USP53: variants seen among roughly 807,000 people sequenced by gnomAD.
USP53 encodes ubiquitin carboxyl-terminal hydrolase 53.
USP53 carries 71 observed loss-of-function variants against 94.9 expected under a neutral mutation model. The observed-to-expected ratio is 0.75, with a 90% CI of 0.62 to 0.91. The LOEUF (loss-of-function observed/expected upper bound fraction) is 0.91, where lower values mean the gene tolerates loss of function less well. USP53 is among the 40% of genes least tolerant of loss of function. The pLI, the probability that USP53 is intolerant of heterozygous loss-of-function variation, is 0.00. For synonymous variants in USP53, 375 were observed against 422.7 expected (o/e 0.89, Z 1.39); for missense variants, 1,173 against 1,281.0 (o/e 0.92, Z 1.29).
chr4:119,256,028 T>G (rs1021238809), intron 7 of USP53, among the ~76,000 whole-genome samples: 1 of 150,200 alleles, frequency 6.7e-6, no homozygotes, highest in African/African-American at 2.5e-5. Context: ...GTTATAATGT[T>G]TGTTTAATTA....
chr4:119,214,351 T>TAAACC (rs1561167271), intron 2 of USP53, 129 bp downstream of exon 2: 1 of 152,090 alleles, frequency 6.6e-6, no homozygotes. Context: ...GAAAGTGATT[T>TAAACC]ATTAAGATTT....
intron 10 of USP53, 122 bp from the exon 11 acceptor site, chr4:119,260,385 A>G (rs1750347063): frequency 1.4e-6 from 1 of 738,076 alleles, no homozygotes; most frequent in Non-Finnish European, 2.0e-6. Context: ...TTAGAAGTCA[A>G]TTTTTAGTAT....
At chr4:119,236,166 T>G (rs1338555729) in intron 4 of USP53, among the ~76,000 whole-genome samples, 1 of 152,240 alleles carries the variant, frequency 6.6e-6, no homozygotes, top group Non-Finnish European at 1.5e-5. Context: ...CAGGAATTTT[T>G]TTGTTTCCCA....
chr4:119,268,783 A>G (rs573444324), intron 14 of USP53, among the ~76,000 whole-genome samples: 1 of 152,374 alleles, frequency 6.6e-6, no homozygotes, highest in South Asian at 2.1e-4. Context: ...CTGGTAGTGA[A>G]TGCAACAGCA....
intron 4 of USP53, among the ~76,000 whole-genome samples, chr4:119,236,225 C>T (rs1746726038): frequency 6.6e-6 from 1 of 152,104 alleles, no homozygotes; most frequent in South Asian, 2.1e-4. Context: ...ATTAAGTGTG[C>T]AAAATAGCAT....
chr4:119,237,250 ACAGT>A (rs1328828859), intron 4 of USP53, among the ~76,000 whole-genome samples: 22 of 152,198 alleles, frequency 1.4e-4, no homozygotes, highest in Non-Finnish European at 5.9e-5. Context: ...TTTGTAGAAT[ACAGT>A]CAGTCTAGAT....
At chr4:119,213,783 CAGG>C (rs1323020595) in intron 1 of USP53, among the ~76,000 whole-genome samples, 1 of 151,246 alleles carries the variant, frequency 6.6e-6, no homozygotes, top group East Asian at 1.9e-4. Flanking sequence ...GAGGCTGAGG[CAGG>C]AGAATTGCTT....
intron 6 of USP53, among the ~76,000 whole-genome samples, chr4:119,245,739 T>G (rs912080005): frequency 6.6e-6 from 1 of 152,226 alleles, no homozygotes; most frequent in Non-Finnish European, 1.5e-5. Flanking sequence ...TGGGTACCAG[T>G]GTAGTTACTG....
At chr4:119,267,161 G>T (rs948805274) in intron 12 of USP53, among the ~76,000 whole-genome samples, 159 bp from the exon 13 acceptor site, 2 of 152,132 alleles carry the variant, frequency 1.3e-5, no homozygotes, top group Non-Finnish European at 2.9e-5. Flanking sequence ...ATTTAGACTA[G>T]TTACTAAATA....
At chr4:119,268,892 C>T (rs17334510) in intron 14 of USP53, among the ~76,000 whole-genome samples, 8 of 152,202 alleles carry the variant, frequency 5.3e-5, no homozygotes, top group Non-Finnish European at 1.5e-5. Flanking sequence ...AAGCCAGGTT[C>T]TGTAACTTGG....
chr4:119,226,843 T>C (rs1009557363), intron 3 of USP53, among the ~76,000 whole-genome samples: 2 of 152,204 alleles, frequency 1.3e-5, no homozygotes, highest in African/African-American at 4.8e-5. Flanking sequence ...TTTTTTGTTT[T>C]TGTTTTGAAA....
At chr4:119,261,916 TTAA>T (rs1750565887) in intron 12 of USP53, 52 bp downstream of exon 12, 1 of 1,337,218 alleles carries the variant, frequency 7.5e-7, no homozygotes, top group Non-Finnish European at 9.9e-7. Flanking sequence ...TTACTTTTTG[TTAA>T]TAAATGATAT....
intron 16 of USP53, chr4:119,272,581 T>G (rs1752008964): frequency 1.3e-5 from 2 of 152,424 alleles, no homozygotes; most frequent in Admixed American, 1.3e-4. Flanking sequence ...GCCTGGCTAA[T>G]TTTTGTATTT....
chr4:119,228,784 A>G (rs1046254993), intron 3 of USP53, among the ~76,000 whole-genome samples: 1 of 152,192 alleles, frequency 6.6e-6, no homozygotes, highest in Non-Finnish European at 1.5e-5. Context: ...TAAACATCCT[A>G]TGTACAAAAA....
At position 119,254,304 on chromosome 4, in the gene USP53, C is replaced by T. The variant is rs151136114; in HGVS notation, c.373-1942C>T. 5.9e-3 allele frequency among the ~76,000 whole-genome samples: 897 copies of T among 152,286 alleles called. 11 individuals carry two copies. The highest frequency in any genetic ancestry group is 0.021 in the African/African-American group (853 of 41,560). The stretch of plus-strand genomic sequence containing the variant: ...TGGGGAAGTTCTCCTGGATAATATC[C>T]TGCAGAGTGTTTTCTAACTTGGTTC... On this transcript the variant is annotated intron_variant, in intron 7 of 18. Transcript: ENST00000692078.
rs996532384 is a variant in USP53 at position 119,267,777 on chromosome 4, C to T, written c.1135+295C>T. Among the ~76,000 whole-genome samples, 3 of 152,150 alleles carry T rather than the reference C, an allele frequency of 2.0e-5. No homozygotes were observed. In the South Asian group the frequency reaches 6.2e-4, roughly 32 times the overall value. On this transcript the variant is annotated intron_variant, in intron 13 of 18. Coordinates refer to ENST00000692078, the MANE Select transcript of USP53 (RefSeq NM_001371395.1). ...AGTGATTTAGTAAACTGGAAAAGTC[C>T]GAAACAGCTAGGTCATTTTTGGATG...
At chr4:119,250,905 G>A (rs916444870) in intron 7 of USP53, among the ~76,000 whole-genome samples, 1 of 22,710 alleles carries the variant, frequency 4.4e-5, no homozygotes, top group Admixed American at 3.9e-4. Flanking sequence ...ATTCAAGTAG[G>A]ATTTTTTTTT....
chr4:119,262,645 A>G (rs1750650191), intron 12 of USP53, among the ~76,000 whole-genome samples: 1 of 152,202 alleles, frequency 6.6e-6, no homozygotes, highest in African/African-American at 2.4e-5. Flanking sequence ...TAGACTGAAG[A>G]GGAGGAAAAG....
intron 11 of USP53, 125 bp from the exon 12 acceptor site, chr4:119,261,590 A>G: frequency 1.6e-6 from 1 of 637,128 alleles, no homozygotes; most frequent in Non-Finnish European, 2.4e-6. Context: ...TAATAATATA[A>G]TATTAGATTG....
Sources: allele counts gnomAD v4.1 joint callset (sites outside exome capture counted in the v4.1 genomes callset), GRCh38; gene constraint gnomAD v4.1.1; transcripts MANE v1.5; gene names NCBI Gene and HGNC (gene_info 2026-07-23, HGNC 2026-07-21).